SLC25A26: variants seen among roughly 807,000 people sequenced by gnomAD.
The protein encoded by SLC25A26 is mitochondrial S-adenosylmethionine carrier protein.
SLC25A26 carries 36 observed loss-of-function variants against 37.8 expected under a neutral mutation model. The ratio of observed to expected loss-of-function variants is 0.95; its 90% CI spans 0.73 to 1.26. SLC25A26 has a LOEUF of 1.26. SLC25A26 is among the 50% of genes most tolerant of loss of function. The pLI is 0.00. For synonymous variants in SLC25A26, 129 were observed against 122.5 expected, an observed-to-expected ratio of 1.05 and a Z score of -0.35; for missense variants, 390 against 331.1, an observed-to-expected ratio of 1.18 and a Z score of -1.38.
chr3:66,276,882 G>A (rs1219549698), intron 5 of SLC25A26, among the ~76,000 whole-genome samples: 2 of 149,122 alleles, frequency 1.3e-5, no homozygotes, highest in African/African-American at 5.0e-5. Context: ...ACTAGAGGGC[G>A]CACAATGCCT....
At chr3:66,286,413 A>G (rs2074514519) in intron 5 of SLC25A26, among the ~76,000 whole-genome samples, 1 of 152,108 alleles carries the variant, frequency 6.6e-6, no homozygotes, top group South Asian at 2.1e-4. Flanking sequence ...TTGCATATAT[A>G]GATGTCTAGT....
At chr3:66,255,221 C>G (rs1254904607) in intron 3 of SLC25A26, among the ~76,000 whole-genome samples, 1 of 152,154 alleles carries the variant, frequency 6.6e-6, no homozygotes, top group Non-Finnish European at 1.5e-5. Flanking sequence ...TCAAGTTATC[C>G]TCCTGTCTTC....
At chr3:66,298,979 G>A (rs538491477) in intron 5 of SLC25A26, among the ~76,000 whole-genome samples, 15 of 152,282 alleles carry the variant, frequency 9.9e-5, no homozygotes, top group African/African-American at 3.6e-4. Flanking sequence ...ACTTGAAGGT[G>A]CCATCTAAAA....
chr3:66,206,894 CTTTTTTTTT>C (rs1192766670), intron 1 of SLC25A26, among the ~76,000 whole-genome samples: 1 of 124,576 alleles, frequency 8.0e-6, no homozygotes, highest in East Asian at 2.2e-4. Flanking sequence ...TTCTTTCTTT[CTTTTTTTTT>C]TTTTTTTTTT....
At chr3:66,301,316 C>A (rs2075069564) in intron 5 of SLC25A26, among the ~76,000 whole-genome samples, 1 of 152,128 alleles carries the variant, frequency 6.6e-6, no homozygotes, top group African/African-American at 2.4e-5. Context: ...GATTTTTATA[C>A]AGACTTTTTA....
intron 3 of SLC25A26, chr3:66,261,716 G>T: frequency 5.0e-6 from 1 of 198,142 alleles, no homozygotes; most frequent in Non-Finnish European, 1.0e-5. Flanking sequence ...TGTTTGAAAT[G>T]TCATGTGCCA....
intron 1 of SLC25A26, among the ~76,000 whole-genome samples, chr3:66,233,329 T>C (rs561070322): frequency 3.3e-5 from 5 of 152,358 alleles, no homozygotes; most frequent in Admixed American, 1.3e-4. Flanking sequence ...CTATAAGATA[T>C]TGAGGTCTCG....
upstream of SLC25A26, among the ~76,000 whole-genome samples, chr3:66,219,217 G>A (rs1400889154): frequency 1.3e-5 from 2 of 152,118 alleles, no homozygotes; most frequent in Admixed American, 6.5e-5. Context: ...GGAGGCTGCC[G>A]GTGAGGGTTT....
At chr3:66,211,195 A>C (rs1008316718) in intron 1 of SLC25A26, among the ~76,000 whole-genome samples, 5 of 152,220 alleles carry the variant, frequency 3.3e-5, no homozygotes, top group African/African-American at 1.2e-4. Flanking sequence ...CAGTTCAAGA[A>C]TATTGATGTT....
At chr3:66,294,710 A>G (rs1242762080) in intron 5 of SLC25A26, among the ~76,000 whole-genome samples, 2 of 152,222 alleles carry the variant, frequency 1.3e-5, no homozygotes, top group African/African-American at 4.8e-5. Context: ...TTCATGTAGC[A>G]GTAGGACAAA....
At chr3:66,341,255 C>T (rs1443014882) in intron 5 of SLC25A26, among the ~76,000 whole-genome samples, 4 of 152,084 alleles carry the variant, frequency 2.6e-5, no homozygotes, top group Non-Finnish European at 5.9e-5. Context: ...AGTTCCTTCC[C>T]ATTCTTATTT....
At chr3:66,351,694 A>G (rs951498433) in intron 6 of SLC25A26, among the ~76,000 whole-genome samples, 2 of 152,082 alleles carry the variant, frequency 1.3e-5, no homozygotes, top group African/African-American at 2.4e-5. Flanking sequence ...CTTCTTCCCA[A>G]TCTGTTCCTT....
At chr3:66,240,620 G>A (rs2072530206) in intron 2 of SLC25A26, among the ~76,000 whole-genome samples, 1 of 151,874 alleles carries the variant, frequency 6.6e-6, no homozygotes, top group African/African-American at 2.4e-5. Context: ...TGAATGATGT[G>A]CTATATGGTT....
chr3:66,346,895 T>G (rs1318967983), intron 6 of SLC25A26, among the ~76,000 whole-genome samples: 1 of 152,074 alleles, frequency 6.6e-6, no homozygotes, highest in Non-Finnish European at 1.5e-5. Context: ...CAGCAGGGTC[T>G]TAGGGCTCTG....
chr3:66,187,288 C>T (rs1414000808), intron 1 of SLC25A26, among the ~76,000 whole-genome samples: 1 of 152,064 alleles, frequency 6.6e-6, no homozygotes, highest in Non-Finnish European at 1.5e-5. Flanking sequence ...CTTCCCCTGA[C>T]CCTCACCTGA....
chr3:66,221,238 C>T, intron 1 of SLC25A26, 111 bp downstream of exon 1: 1 of 1,200,618 alleles, frequency 8.3e-7, no homozygotes, highest in Non-Finnish European at 1.1e-6. Flanking sequence ...GGACTGTCCT[C>T]GGGTTACTGG....
chr3:66,171,795 A>G (rs2070503294), intron 1 of SLC25A26, among the ~76,000 whole-genome samples: 1 of 152,112 alleles, frequency 6.6e-6, no homozygotes, highest in African/African-American at 2.4e-5. Flanking sequence ...CGGCCCTGAG[A>G]TGTTCATTTC....
intron 5 of SLC25A26, among the ~76,000 whole-genome samples, chr3:66,313,164 C>T (rs1460567451): frequency 6.6e-6 from 1 of 152,150 alleles, no homozygotes; most frequent in Non-Finnish European, 1.5e-5. Flanking sequence ...GCTTTTGTTA[C>T]TATTGCTTTT....
At chr3:66,291,904 A>G (rs1391339771) in intron 5 of SLC25A26, among the ~76,000 whole-genome samples, 1 of 152,112 alleles carries the variant, frequency 6.6e-6, no homozygotes, top group Admixed American at 6.6e-5. Flanking sequence ...GTTGGTGTTA[A>G]AGTCTCCCAC....
Sources: allele counts gnomAD v4.1 joint callset (sites outside exome capture counted in the v4.1 genomes callset), GRCh38; gene constraint gnomAD v4.1.1; transcripts MANE v1.5; gene names NCBI Gene and HGNC (gene_info 2026-07-23, HGNC 2026-07-21).